Variants in CLEC20A observed in about 807,000 individuals in gnomAD.
CLEC20A encodes putative C-type lectin domain family 20 member A.
intron 5 of CLEC20A, among the ~76,000 whole-genome samples, chr1:178,488,216 T>C (rs933012009): frequency 1.3e-5 from 2 of 152,204 alleles, no homozygotes; most frequent in African/African-American, 4.8e-5. Context: ...CGGCCTCTCC[T>C]GGGTCTCCTG....
chr1:178,481,488 T>C, intron 7 of CLEC20A: 1 of 152,240 alleles, frequency 6.6e-6, no homozygotes, highest in Non-Finnish European at 1.5e-5. Context: ...TTATCTGATA[T>C]AATTGAGAAA....
intron 7 of CLEC20A, chr1:178,479,889 A>T: frequency 4.4e-6 from 1 of 227,600 alleles, no homozygotes. Flanking sequence ...CATCAGAATC[A>T]CTGGAGAGTT....
rs1334746271 is a variant in CLEC20A at position 178,479,627 on chromosome 1, A to G, written c.1123-12T>C. 2.5e-6 allele frequency: 1 copy of G among 398,356 alleles called. No individual in the cohort carries two copies. The highest frequency in any genetic ancestry group is 2.1e-5 in the African/African-American group (1 of 48,604). 24.7% of individuals were successfully genotyped at this position (398,356 alleles called of 1,614,324 possible). On this transcript the variant is annotated splice_polypyrimidine_tract_variant and intron_variant, in intron 7 of 7. Coordinates refer to ENST00000623247, the Ensembl canonical transcript of CLEC20A. ...AAGACTTCCTGGATCTGAAACATCA[A>G]AAAGAGAGAAAGTGTTGATGCGGTC...
At chr1:178,489,668 A>G (rs922171683) in intron 4 of CLEC20A, among the ~76,000 whole-genome samples, 5 of 152,160 alleles carry the variant, frequency 3.3e-5, no homozygotes, top group African/African-American at 1.2e-4. Flanking sequence ...AAGACATCCT[A>G]TGAGATGGGT....
At chr1:178,486,998 T>A (rs1649163947) in intron 5 of CLEC20A, 6 of 394,494 alleles carry the variant, frequency 1.5e-5, no homozygotes, top group Admixed American at 8.9e-5. Context: ...CCCCTCTGAG[T>A]GAGCCGCGCT....
chr1:178,491,814 G>C (rs1333118152), intron 3 of CLEC20A, among the ~76,000 whole-genome samples: 1 of 152,182 alleles, frequency 6.6e-6, no homozygotes, highest in African/African-American at 2.4e-5. Flanking sequence ...GACTATTTCA[G>C]AGAAGCCGCC....
At chr1:178,496,338 G>A in intron 1 of CLEC20A, 1 of 152,382 alleles carries the variant, frequency 6.6e-6, no homozygotes, top group East Asian at 1.9e-4. Context: ...GCAGCCAGAG[G>A]GCCTAAAACC....
intron 7 of CLEC20A, chr1:178,479,872 G>T: frequency 4.1e-6 from 1 of 241,408 alleles, no homozygotes. Flanking sequence ...TTTCAATCCT[G>T]ATTGTTCATC....
chr1:178,481,321 T>C (rs1648979155), intron 7 of CLEC20A: 1 of 152,240 alleles, frequency 6.6e-6, no homozygotes, highest in Non-Finnish European at 1.5e-5. Flanking sequence ...CTTGATTTTG[T>C]GAAATTCTAG....
chr1:178,496,852 C>T (rs775875109), intron 1 of CLEC20A, 48 bp downstream of exon 1: 4 of 398,672 alleles, frequency 1.0e-5, no homozygotes, highest in Admixed American at 4.4e-5. Context: ...GCCTCTAGCC[C>T]GGGGGAGCAT....
intron 5 of CLEC20A, among the ~76,000 whole-genome samples, chr1:178,485,333 C>T (rs1327044576): frequency 6.6e-6 from 1 of 152,146 alleles, no homozygotes; most frequent in African/African-American, 2.4e-5. Flanking sequence ...GATTTTGCCC[C>T]CAGTGTACCC....
At chr1:178,479,760 T>G in intron 7 of CLEC20A, 145 bp from the exon 8 acceptor site, 1 of 391,410 alleles carries the variant, frequency 2.6e-6, no homozygotes, top group Non-Finnish European at 4.5e-6. Flanking sequence ...CTGACTTTTT[T>G]TATTAGCATT....
chr1:178,487,228 A>G (rs886213991), intron 5 of CLEC20A, among the ~76,000 whole-genome samples: 7 of 152,288 alleles, frequency 4.6e-5, no homozygotes, highest in Non-Finnish European at 8.8e-5. Context: ...CCTGAACCCA[A>G]TAGCGCGGCC....
rs1046212920 is a variant in CLEC20A, at chr1:178,494,450, A to T, written c.397+4T>A. On this transcript the variant is annotated splice_donor_region_variant and intron_variant, in intron 2 of 7. Coordinates refer to ENST00000623247, the Ensembl canonical transcript of CLEC20A. ...CCAAGCCTGAAATATGAATGTGAACACACCACAGTAGCAGAGGAAGGGCTT... is the reference window on the plus strand; with the variant it reads ...CCAAGCCTGAAATATGAATGTGAACTCACCACAGTAGCAGAGGAAGGGCTT... 38 of 400,134 alleles carry T rather than the reference A, an allele frequency of 9.5e-5. No homozygotes were observed. The highest frequency in any genetic ancestry group is 1.4e-4 in the Non-Finnish European group (31 of 226,738). The allele number at this position is 400,134 out of a possible 1,614,324, so 24.8% of individuals were successfully genotyped here. A position where few individuals can be genotyped will look rare whatever the true frequency, so the allele number is the denominator to read the frequency against.
At chr1:178,492,596 G>A in intron 2 of CLEC20A, 30 bp from the exon 3 acceptor site, 1 of 398,516 alleles carries the variant, frequency 2.5e-6, no homozygotes. Flanking sequence ...CACGAGTTAT[G>A]GGGAGGCCCA....
chr1:178,496,304 G>T (rs1649388230), intron 1 of CLEC20A: 1 of 152,870 alleles, frequency 6.5e-6, no homozygotes, highest in Non-Finnish European at 1.5e-5. Flanking sequence ...TCTACCCTCG[G>T]CAGTCCCCAC....
At chr1:178,496,973 G>C (rs1169520012), upstream of CLEC20A, 6 of 400,122 alleles carry the variant, frequency 1.5e-5, no homozygotes, top group East Asian at 1.8e-4. Flanking sequence ...GCTGGGTGCT[G>C]GCTGGGCACG....
At chr1:178,481,844 T>C (rs1648994818) in intron 7 of CLEC20A, 2 of 152,278 alleles carry the variant, frequency 1.3e-5, no homozygotes, top group Admixed American at 6.5e-5. Context: ...CTAATGTTTA[T>C]TGAGCACCAA....
At chr1:178,482,582 GAA>G (rs923895144) in intron 6 of CLEC20A, 185 bp from the exon 7 acceptor site, 61 of 391,094 alleles carry the variant, frequency 1.6e-4, no homozygotes, top group African/African-American at 1.2e-3. Flanking sequence ...ATTAGTGGCT[GAA>G]AAAAAGAGTC....
Sources: allele counts gnomAD v4.1 joint callset (sites outside exome capture counted in the v4.1 genomes callset), GRCh38; gene constraint gnomAD v4.1.1; transcripts MANE v1.5; gene names NCBI Gene and HGNC (gene_info 2026-07-23, HGNC 2026-07-21).